Variants in CPQ observed in about 807,000 individuals in gnomAD.
The protein encoded by CPQ is Ser-Met dipeptidase.
CPQ carries 37 observed loss-of-function variants against 45.7 expected under a neutral mutation model. That is an observed-to-expected ratio of 0.81 (90% CI 0.62 to 1.07). The LOEUF is 1.07. Ranked by LOEUF, CPQ falls within the 50% of genes least tolerant of loss-of-function variation. The pLI is 0.00. For synonymous variants in CPQ, 186 were observed against 205.8 expected (o/e 0.90, Z 0.82); for missense variants, 537 against 572.9 (o/e 0.94, Z 0.64).
In CPQ at chr8:97,143,400, T is replaced by C. The variant is rs1214152244; in HGVS notation, c.*217T>C. 4.1e-6 allele frequency: 2 copies of C among 489,962 alleles called. No homozygotes were observed. Among genetic ancestry groups the C allele is most frequent in the Non-Finnish European group, 3.7e-6 (1 of 273,562 alleles). The allele number at this position is 489,962 out of a possible 1,614,324, so 30.4% of individuals were successfully genotyped here. On this transcript the variant is annotated 3_prime_UTR_variant, in exon 8 of 8. Transcript: ENST00000220763. ...TCCCTCCCACCACATAGAATCAACA[T>C]ATGGTAGGGATTACAGTGGGGGCAT...
intron 1 of CPQ, among the ~76,000 whole-genome samples, chr8:96,750,588 C>CTTT: frequency 7.7e-6 from 1 of 130,336 alleles, no homozygotes; most frequent in East Asian, 2.2e-4. Context: ...GAGATCTTTT[C>CTTT]TTTTTTTTTT....
chr8:96,716,877 A>G (rs1411666752), intron 1 of CPQ, among the ~76,000 whole-genome samples: 1 of 151,670 alleles, frequency 6.6e-6, no homozygotes, highest in Non-Finnish European at 1.5e-5. Context: ...ATTGTAGTCC[A>G]GCCTGGGCAA....
chr8:97,052,831 T>C (rs1810385248), intron 6 of CPQ, among the ~76,000 whole-genome samples: 1 of 152,194 alleles, frequency 6.6e-6, no homozygotes, highest in Admixed American at 6.5e-5. Flanking sequence ...AAAATCACTA[T>C]CACTCTATAT....
chr8:97,022,198 T>C (rs1279429326), intron 5 of CPQ, among the ~76,000 whole-genome samples: 1 of 152,216 alleles, frequency 6.6e-6, no homozygotes. Flanking sequence ...AGAATGAAAC[T>C]GGATCCTCAT....
In CPQ at chr8:97,078,048, T is replaced by A. The variant is rs561550985; in HGVS notation, c.1255+11838T>A. ...TCACCCAAAGATGATTTATTTATTTTTTGTGTCATTATTAACTGATGGATT... is the reference window on the plus strand; with the variant it reads ...TCACCCAAAGATGATTTATTTATTTATTGTGTCATTATTAACTGATGGATT... On this transcript the variant is annotated intron_variant, in intron 7 of 7. Transcript: ENST00000220763. Among the ~76,000 whole-genome samples, 12 of 152,340 alleles carry A rather than the reference T, an allele frequency of 7.9e-5. No homozygotes were observed. In the South Asian group the frequency reaches 2.5e-3, roughly 32 times the overall value.
At chr8:96,848,199 A>G (rs535579068) in intron 3 of CPQ, among the ~76,000 whole-genome samples, 1 of 152,246 alleles carries the variant, frequency 6.6e-6, no homozygotes, top group Non-Finnish European at 1.5e-5. Context: ...TCTCAACTTA[A>G]TTTTATTCAG....
At chr8:96,915,524 T>A (rs533073984) in intron 4 of CPQ, among the ~76,000 whole-genome samples, 2 of 152,308 alleles carry the variant, frequency 1.3e-5, no homozygotes, top group South Asian at 4.1e-4. Flanking sequence ...ATCTCTTTAT[T>A]GATGAATTTT....
intron 4 of CPQ, among the ~76,000 whole-genome samples, chr8:96,903,206 C>A (rs1451513551): frequency 6.6e-6 from 1 of 152,216 alleles, no homozygotes. Flanking sequence ...TTCCTTCTTT[C>A]TAATCCTTGT....
chr8:97,013,951 A>G (rs1809535034), intron 5 of CPQ, among the ~76,000 whole-genome samples: 1 of 152,232 alleles, frequency 6.6e-6, no homozygotes, highest in Admixed American at 6.5e-5. Flanking sequence ...ATTTATATGT[A>G]AATATGCTAT....
chr8:97,066,111 G>T lies in CPQ; in HGVS notation c.1156G>T (p.Glu386Ter). Residue 386 changes from glutamate (E) to a stop codon, truncating the protein, a stop_gained, in exon 7 of 8, where the codon GAG becomes TAG. Transcript: ENST00000220763. LOFTEE classifies it high-confidence loss of function. ...TGSEKARAIM[E>*]EVMSLLQPLN... ...CAGTGAAAAGGCCAGGGCCATCATG[G>T]AGGAGGTTATGAGCCTGCTGCAGCC... The T allele has an allele frequency of 6.2e-7, 1 of 1,612,604 alleles. No homozygotes were observed. The highest frequency in any genetic ancestry group is 8.5e-7 in the Non-Finnish European group (1 of 1,179,574).
At chr8:96,976,164 C>T (rs143549602) in intron 5 of CPQ, among the ~76,000 whole-genome samples, 91 of 137,862 alleles carry the variant, frequency 6.6e-4, no homozygotes, top group Middle Eastern at 4.7e-3. Flanking sequence ...AATTAATGTA[C>T]ACAAATCACT....
At chr8:96,843,746 T>C (rs781743770) in intron 3 of CPQ, among the ~76,000 whole-genome samples, 1 of 152,230 alleles carries the variant, frequency 6.6e-6, no homozygotes, top group Non-Finnish European at 1.5e-5. Context: ...TTCACATTCA[T>C]AGACATTGAA....
At chr8:96,755,962 A>G (rs1473436996) in intron 1 of CPQ, among the ~76,000 whole-genome samples, 1 of 151,978 alleles carries the variant, frequency 6.6e-6, no homozygotes, top group African/African-American at 2.4e-5. Flanking sequence ...TTAGAAGTAA[A>G]ATTTTTGTTC....
intron 7 of CPQ, among the ~76,000 whole-genome samples, chr8:97,076,299 C>T (rs1323486287): frequency 1.3e-5 from 2 of 152,178 alleles, no homozygotes; most frequent in African/African-American, 2.4e-5. Flanking sequence ...GCTGGGATTA[C>T]AGTCATGAGC....
chr8:97,064,413 T>C (rs1586522647), intron 6 of CPQ, among the ~76,000 whole-genome samples: 1 of 152,156 alleles, frequency 6.6e-6, no homozygotes, highest in East Asian at 1.9e-4. Context: ...ATTTTGCATA[T>C]TATTAACTCT....
intron 7 of CPQ, among the ~76,000 whole-genome samples, chr8:97,111,739 A>G (rs1182503258): frequency 6.6e-6 from 1 of 152,246 alleles, no homozygotes; most frequent in Non-Finnish European, 1.5e-5. Flanking sequence ...TCGTCAGTGC[A>G]GGATGCTCAT....
chr8:96,771,783 A>G (rs981594389), intron 1 of CPQ, among the ~76,000 whole-genome samples: 2 of 152,164 alleles, frequency 1.3e-5, no homozygotes, highest in African/African-American at 4.8e-5. Flanking sequence ...CCCTAATTTT[A>G]TGCCTGGTGG....
intron 6 of CPQ, among the ~76,000 whole-genome samples, chr8:97,055,962 G>T (rs1013469931): frequency 6.6e-6 from 1 of 152,122 alleles, no homozygotes; most frequent in East Asian, 1.9e-4. Context: ...TTAGCTGGGC[G>T]TGGTGGTGCA....
chr8:96,675,035 A>C (rs1053772347), intron 1 of CPQ, among the ~76,000 whole-genome samples: 17 of 152,106 alleles, frequency 1.1e-4, no homozygotes, highest in African/African-American at 3.9e-4. Context: ...ATAGACACTA[A>C]GTGCATATTT....
Sources: gnomAD v4.1 joint callset for allele counts (sites outside exome capture counted in the v4.1 genomes callset) on GRCh38, gnomAD v4.1.1 for gene constraint, MANE v1.5 for transcripts, NCBI Gene and HGNC (gene_info 2026-07-23, HGNC 2026-07-21) for gene names.